The following ADORA2B variants were observed in gnomAD, a reference collection of about 807,000 sequenced individuals.
ADORA2B encodes adenosine A2b receptor.
A neutral mutation model predicts 20.8 loss-of-function variants in ADORA2B; 18 were observed. The observed-to-expected ratio is 0.87, with a 90% CI of 0.60 to 1.29. The LOEUF (loss-of-function observed/expected upper bound fraction) is 1.29, where lower values mean the gene tolerates loss of function less well. Among genes scored for constraint, ADORA2B ranks in the 50% most tolerant of loss-of-function variants. The pLI, the probability that ADORA2B is intolerant of heterozygous loss-of-function variation, is 0.00. For synonymous variants in ADORA2B, 179 were observed against 178.3 expected (o/e 1.00, Z -0.03); for missense variants, 441 against 422.7 (o/e 1.04, Z -0.38).
At chr17:15,890,571 A>G in the ADORA2B span, among the ~76,000 whole-genome samples, 6 of 149,148 alleles carry the variant, frequency 4.0e-5, no homozygotes, top group Non-Finnish European at 6.0e-5. Flanking sequence ...TTTTCTTTTT[A>G]TAATGTTGTA....
the ADORA2B span, among the ~76,000 whole-genome samples, chr17:15,854,790 T>C: frequency 6.6e-6 from 1 of 152,226 alleles, no homozygotes; most frequent in African/African-American, 2.4e-5. Context: ...ATTCGTTTCC[T>C]AATGCTTATA....
chr17:15,851,705 T>A, the ADORA2B span, among the ~76,000 whole-genome samples: 1 of 152,142 alleles, frequency 6.6e-6, no homozygotes, highest in Non-Finnish European at 1.5e-5. Context: ...AGCTTTCCAG[T>A]CTCATATAAG....
intron 1 of ADORA2B, among the ~76,000 whole-genome samples, chr17:15,971,569 C>A (rs943461999): frequency 3.3e-5 from 5 of 151,458 alleles, no homozygotes; most frequent in Admixed American, 1.3e-4. Context: ...TAAGTAGAAT[C>A]TTTCTTTAAA....
chr17:15,864,158 G>A, the ADORA2B span: 1,906 of 167,652 alleles, frequency 0.011, 47 homozygotes, highest in African/African-American at 0.042. Context: ...AGGTTACATG[G>A]TAAGGGACAA....
intron 1 of ADORA2B, among the ~76,000 whole-genome samples, chr17:15,969,509 A>G (rs1355952561): frequency 2.0e-5 from 3 of 152,130 alleles, no homozygotes; most frequent in Non-Finnish European, 4.4e-5. Context: ...CATCTTCTCT[A>G]CTGATCATTT....
At chr17:15,936,817 A>G in the ADORA2B span, among the ~76,000 whole-genome samples, 4 of 152,294 alleles carry the variant, frequency 2.6e-5, 1 homozygote, top group South Asian at 8.3e-4. Context: ...ATTGTCCAGC[A>G]TGGTGGCACA....
intron 1 of ADORA2B, among the ~76,000 whole-genome samples, chr17:15,955,972 G>A (rs1377561973): frequency 1.3e-5 from 2 of 151,952 alleles, no homozygotes; most frequent in African/African-American, 2.4e-5. Flanking sequence ...TGCCTGCCTC[G>A]GCCTCCATAA....
At chr17:15,862,806 CT>C in the ADORA2B span, among the ~76,000 whole-genome samples, 46,152 of 137,642 alleles carry the variant, frequency 0.34, 6,483 homozygotes, top group East Asian at 0.47. Flanking sequence ...GGAGTAATAG[CT>C]TTTTTTTTTT....
At chr17:15,883,147 G>T in the ADORA2B span, among the ~76,000 whole-genome samples, 1 of 152,112 alleles carries the variant, frequency 6.6e-6, no homozygotes, top group Non-Finnish European at 1.5e-5. Context: ...GTTAACAGGG[G>T]GCTGAAGTTT....
the ADORA2B span, among the ~76,000 whole-genome samples, chr17:15,903,241 C>T: frequency 6.6e-6 from 1 of 152,184 alleles, no homozygotes; most frequent in Non-Finnish European, 1.5e-5. Flanking sequence ...AGCCCTCAAC[C>T]TTGGACCATG....
At chr17:15,942,645 A>G (rs1969754653), upstream of ADORA2B, among the ~76,000 whole-genome samples, 1 of 152,210 alleles carries the variant, frequency 6.6e-6, no homozygotes, top group South Asian at 2.1e-4. Context: ...GCGTGCAGGA[A>G]CCACTCATAG....
At chr17:15,891,687 C>G in the ADORA2B span, among the ~76,000 whole-genome samples, 1 of 147,186 alleles carries the variant, frequency 6.8e-6, no homozygotes, top group Non-Finnish European at 1.5e-5. Context: ...CACTTTCTCT[C>G]TTTTTTTTTT....
At chr17:15,869,808 G>T in the ADORA2B span, among the ~76,000 whole-genome samples, 1 of 152,014 alleles carries the variant, frequency 6.6e-6, no homozygotes, top group Non-Finnish European at 1.5e-5. Context: ...CAGAAAAATG[G>T]CATTTTTCCA....
chr17:15,878,182 T>TGTACAC, the ADORA2B span, among the ~76,000 whole-genome samples: 3 of 51,018 alleles, frequency 5.9e-5, no homozygotes, highest in African/African-American at 2.8e-4. Context: ...TGTGTGTGTG[T>TGTACAC]ATACACACAC....
Position 15,945,268 on chromosome 17 carries a change from ACG to A in ADORA2B, c.24_25del (p.Leu9ValfsTer65), listed in dbSNP as rs1344377508. Reference sequence around the variant, plus strand: ...CCGGCCATGCTGCTGGAGACACAGGACGCGCTGTACGTGGCGCTGGAGCTGGT... The same window carrying A: ...CCGGCCATGCTGCTGGAGACACAGGACGCTGTACGTGGCGCTGGAGCTGGT... On this transcript the variant is annotated frameshift_variant, in exon 1 of 2. Coordinates refer to ENST00000304222, the MANE Select transcript of ADORA2B (RefSeq NM_000676.4). LOFTEE classifies it high-confidence loss of function. 6.7e-7 allele frequency: 1 copy of A among 1,497,808 alleles called. No homozygotes were observed. Among genetic ancestry groups the A allele is most frequent in the African/African-American group, 1.4e-5 (1 of 72,178 alleles). 92.8% of individuals were successfully genotyped at this position (1,497,808 alleles called of 1,614,324 possible).
chr17:15,881,998 C>T, the ADORA2B span, among the ~76,000 whole-genome samples: 2 of 152,174 alleles, frequency 1.3e-5, no homozygotes, highest in Non-Finnish European at 2.9e-5. Context: ...CCTCCCTTTT[C>T]TCAGAGGCAT....
the ADORA2B span, among the ~76,000 whole-genome samples, chr17:15,906,917 G>T: frequency 6.6e-6 from 1 of 152,202 alleles, no homozygotes; most frequent in African/African-American, 2.4e-5. Flanking sequence ...AAGATAGTCT[G>T]TGTATAACTG....
At chr17:15,857,997 T>C in the ADORA2B span, among the ~76,000 whole-genome samples, 1 of 143,034 alleles carries the variant, frequency 7.0e-6, no homozygotes, top group African/African-American at 2.5e-5. Context: ...CTTTTCTTCA[T>C]CCATTCATCT....
the ADORA2B span, among the ~76,000 whole-genome samples, chr17:15,860,138 T>A: frequency 6.6e-6 from 1 of 152,122 alleles, no homozygotes; most frequent in South Asian, 2.1e-4. Flanking sequence ...GCTTGCTCAA[T>A]CGATCACGAC....
Sources: gnomAD v4.1 joint callset for allele counts (sites outside exome capture counted in the v4.1 genomes callset) on GRCh38, gnomAD v4.1.1 for gene constraint, MANE v1.5 for transcripts, NCBI Gene and HGNC (gene_info 2026-07-23, HGNC 2026-07-21) for gene names.